The following EPC2 variants were observed in gnomAD, a reference collection of about 807,000 sequenced individuals.
EPC2 encodes the protein enhancer of polycomb homolog 2.
EPC2 carries 14 observed loss-of-function variants against 92.1 expected under a neutral mutation model. That is an observed-to-expected ratio of 0.15 (90% confidence interval 0.10 to 0.24). The LOEUF is 0.24. Ranked by LOEUF, EPC2 falls within the 10% of genes least tolerant of loss-of-function variation. The pLI is 1.00. For missense variants in EPC2, 755 were observed against 971.5 expected (o/e 0.78, Z 2.96); for synonymous variants, 340 against 334.7 (o/e 1.02, Z -0.17).
At position 148,743,861 on chromosome 2, in the gene EPC2, A is replaced by C. The variant is rs16829211; in HGVS notation, c.459+94A>C. The stretch of plus-strand genomic sequence containing the variant: ...TGTGTTGCATTTTACTGTTTCTTGG[A>C]TTTCTTTTCCTGACATCCTGGAATT... On this transcript the variant is annotated intron_variant, in intron 3 of 13. Transcript: ENST00000258484. 2,714 of 1,034,582 alleles carry C rather than the reference A, an allele frequency of 2.6e-3. 56 individuals are homozygous for C. In the African/African-American group the frequency reaches 0.041, roughly 16 times the overall value. The allele number at this position is 1,034,582 out of a possible 1,614,324, so 64.1% of individuals were successfully genotyped here. A position where few individuals can be genotyped will look rare whatever the true frequency, so the allele number is the denominator to read the frequency against.
At chr2:148,728,046 G>A (rs1682532949) in intron 2 of EPC2, among the ~76,000 whole-genome samples, 1 of 152,134 alleles carries the variant, frequency 6.6e-6, no homozygotes, top group South Asian at 2.1e-4. Context: ...CTGGAGTTCA[G>A]TGGCATGCTC....
chr2:148,652,361 G>A (rs1259601118), intron 1 of EPC2, among the ~76,000 whole-genome samples: 1 of 152,126 alleles, frequency 6.6e-6, no homozygotes, highest in Admixed American at 6.5e-5. Flanking sequence ...ATGTTTTAAT[G>A]AGCTTAGAAT....
At chr2:148,700,682 C>A (rs1681855911) in intron 2 of EPC2, among the ~76,000 whole-genome samples, 1 of 146,744 alleles carries the variant, frequency 6.8e-6, no homozygotes, top group Non-Finnish European at 1.5e-5. Flanking sequence ...AGTCCTCTGC[C>A]CTTTTTACTT....
intron 2 of EPC2, among the ~76,000 whole-genome samples, chr2:148,743,205 T>C (rs1682914510): frequency 6.6e-6 from 1 of 152,190 alleles, no homozygotes; most frequent in Non-Finnish European, 1.5e-5. Flanking sequence ...CAACACTCTT[T>C]TTTTTTCATT....
intron 2 of EPC2, among the ~76,000 whole-genome samples, chr2:148,732,275 A>G (rs1297241528): frequency 6.6e-6 from 1 of 152,042 alleles, no homozygotes; most frequent in Non-Finnish European, 1.5e-5. Flanking sequence ...CACAGCTCTT[A>G]GCTAGTGACT....
At chr2:148,713,927 A>G (rs1682206789) in intron 2 of EPC2, among the ~76,000 whole-genome samples, 1 of 152,160 alleles carries the variant, frequency 6.6e-6, no homozygotes, top group Non-Finnish European at 1.5e-5. Flanking sequence ...TGAGGGGTAC[A>G]TGTGCAGGAT....
intron 1 of EPC2, among the ~76,000 whole-genome samples, chr2:148,669,668 G>A (rs1681116505): frequency 6.6e-6 from 1 of 152,024 alleles, no homozygotes; most frequent in Non-Finnish European, 1.5e-5. Flanking sequence ...AGAGTTTGAG[G>A]GACTAGTGCC....
At chr2:148,712,418 GACAC>G (rs747240404) in intron 2 of EPC2, among the ~76,000 whole-genome samples, 4 of 151,784 alleles carry the variant, frequency 2.6e-5, no homozygotes, top group Non-Finnish European at 4.4e-5. Flanking sequence ...TCGACACACA[GACAC>G]ACACACAGAC....
chr2:148,743,926 C>T (rs1388652352), intron 3 of EPC2, among the ~76,000 whole-genome samples, 159 bp downstream of exon 3: 1 of 152,100 alleles, frequency 6.6e-6, no homozygotes, highest in African/African-American at 2.4e-5. Context: ...TACTTAAGCA[C>T]AATTTCTTTG....
intron 7 of EPC2, among the ~76,000 whole-genome samples, chr2:148,766,597 C>A (rs753368518): frequency 6.6e-6 from 1 of 151,964 alleles, no homozygotes; most frequent in Non-Finnish European, 1.5e-5. Flanking sequence ...GAGTAATTTT[C>A]CAGATAGAAA....
intron 1 of EPC2, among the ~76,000 whole-genome samples, chr2:148,677,343 G>A (rs900822059): frequency 4.6e-5 from 7 of 152,156 alleles, no homozygotes; most frequent in African/African-American, 1.7e-4. Context: ...AACAAGAAGA[G>A]AGTCATCTGT....
intron 7 of EPC2, among the ~76,000 whole-genome samples, chr2:148,766,455 A>G (rs1683409642): frequency 6.6e-6 from 1 of 152,224 alleles, no homozygotes; most frequent in Admixed American, 6.5e-5. Context: ...TCCCTTCAGG[A>G]GCACTTAATG....
chr2:148,769,134 A>C lies in EPC2; in HGVS notation c.1141-17A>C, dbSNP rs1013731021. On this transcript the variant is annotated splice_polypyrimidine_tract_variant and intron_variant, in intron 7 of 13. Transcript: ENST00000258484. ...TGACTTTTGATAACTTCTAAATGGA[A>C]TGCCTCTTTTGTCTAGGTATTGTCC... 6.4e-7 allele frequency: 1 copy of C among 1,562,172 alleles called. No individual in the cohort carries two copies. The highest frequency in any genetic ancestry group is 8.8e-7 in the Non-Finnish European group (1 of 1,136,084).
intron 2 of EPC2, among the ~76,000 whole-genome samples, chr2:148,740,298 A>G (rs1398399885): frequency 6.6e-6 from 1 of 151,804 alleles, no homozygotes; most frequent in African/African-American, 2.4e-5. Context: ...CTGCTTTTAA[A>G]GAATTTTTAC....
chr2:148,762,007 G>A (rs978756449), intron 5 of EPC2, 77 bp downstream of exon 5: 4 of 1,244,200 alleles, frequency 3.2e-6, no homozygotes, highest in Non-Finnish European at 4.4e-6. Flanking sequence ...AGATTTTTAG[G>A]GGGGAACAGG....
At chr2:148,686,426 C>T (rs969986538) in intron 1 of EPC2, among the ~76,000 whole-genome samples, 1 of 152,180 alleles carries the variant, frequency 6.6e-6, no homozygotes, top group Non-Finnish European at 1.5e-5. Context: ...CAAAGTCATC[C>T]ATGAGGATTA....
intron 1 of EPC2, among the ~76,000 whole-genome samples, chr2:148,688,034 C>T (rs1478259833): frequency 6.6e-6 from 1 of 152,062 alleles, no homozygotes; most frequent in East Asian, 1.9e-4. Flanking sequence ...TGCACTAATT[C>T]CTTTTGTATA....
At chr2:148,680,104 T>A (rs1452835767) in intron 1 of EPC2, among the ~76,000 whole-genome samples, 7 of 151,350 alleles carry the variant, frequency 4.6e-5, no homozygotes, top group South Asian at 2.1e-4. Flanking sequence ...TTTTTTTTTT[T>A]AAATGTTTCT....
At chr2:148,743,562 T>C (rs1373469317) in intron 2 of EPC2, 60 bp from the exon 3 acceptor site, 10 of 1,356,194 alleles carry the variant, frequency 7.4e-6, no homozygotes, top group Non-Finnish European at 9.8e-6. Flanking sequence ...TCAAATATGA[T>C]GAACAATGTA....
Sources: allele counts gnomAD v4.1 joint callset (sites outside exome capture counted in the v4.1 genomes callset), GRCh38; gene constraint gnomAD v4.1.1; transcripts MANE v1.5; gene names NCBI Gene and HGNC (gene_info 2026-07-23, HGNC 2026-07-21).